The following MED12L variants were observed in gnomAD, a reference collection of about 807,000 sequenced individuals.
The protein encoded by MED12L is mediator of RNA polymerase II transcription subunit 12-like protein.
MED12L carries 60 observed loss-of-function variants against 281.3 expected under a neutral mutation model. That is an observed-to-expected ratio of 0.21 (90% CI 0.17 to 0.26). MED12L has a LOEUF of 0.26. MED12L is among the 10% of genes least tolerant of loss of function. The probability of loss-of-function intolerance (pLI) is 1.00; values close to 1 mark genes in which losing one functional copy is unlikely to be tolerated. For synonymous variants in MED12L, 974 were observed against 987.2 expected (o/e 0.99, Z 0.25); for missense variants, 2,146 against 2,680.9 (o/e 0.80, Z 4.41).
intron 43 of MED12L, among the ~76,000 whole-genome samples, chr3:151,421,255 G>A (rs532757211): frequency 3.9e-5 from 6 of 152,292 alleles, no homozygotes; most frequent in African/African-American, 1.4e-4. Flanking sequence ...TTCCTCTGCT[G>A]AGGTCACCCA....
chr3:151,124,223 T>C (rs1191121783), intron 4 of MED12L, among the ~76,000 whole-genome samples: 1 of 152,240 alleles, frequency 6.6e-6, no homozygotes, highest in Non-Finnish European at 1.5e-5. Flanking sequence ...TTGCTACTCT[T>C]GAGGAGTTGA....
intron 5 of MED12L, among the ~76,000 whole-genome samples, chr3:151,136,951 C>T (rs1012425670): frequency 6.6e-6 from 1 of 151,902 alleles, no homozygotes; most frequent in Non-Finnish European, 1.5e-5. Flanking sequence ...ATCACGAGGT[C>T]AGGAGATCAA....
At chr3:151,256,640 C>A (rs1333256112) in intron 16 of MED12L, among the ~76,000 whole-genome samples, 1 of 152,122 alleles carries the variant, frequency 6.6e-6, no homozygotes, top group Non-Finnish European at 1.5e-5. Context: ...ACAGGAAAGA[C>A]AAAAGCTTAT....
chr3:151,145,726 TAAC>T (rs1406783195), intron 5 of MED12L, among the ~76,000 whole-genome samples: 1 of 152,210 alleles, frequency 6.6e-6, no homozygotes, highest in Admixed American at 6.5e-5. Context: ...GTTAAGGAAA[TAAC>T]AAACTGAACC....
intron 16 of MED12L, chr3:151,294,011 T>C: frequency 1.6e-6 from 1 of 620,038 alleles, no homozygotes; most frequent in East Asian, 2.7e-5. Flanking sequence ...TTTATCTCTT[T>C]GCTATGCTTT....
At chr3:151,247,959 CTTCTTTTTTTT>C (rs1736026422) in intron 16 of MED12L, among the ~76,000 whole-genome samples, 1 of 65,454 alleles carries the variant, frequency 1.5e-5, no homozygotes, top group Non-Finnish European at 2.8e-5. Flanking sequence ...TCTTCTTCTT[CTTCTTTTTTTT>C]TTTTTTTTTT....
chr3:151,208,279 A>G (rs1267161702), intron 16 of MED12L, among the ~76,000 whole-genome samples: 4 of 152,260 alleles, frequency 2.6e-5, no homozygotes, highest in African/African-American at 4.8e-5. Context: ...CATGCAGTCA[A>G]TATGATATCA....
chr3:151,198,269 A>G, intron 16 of MED12L: 1 of 552,316 alleles, frequency 1.8e-6, no homozygotes, highest in Non-Finnish European at 3.0e-6. Flanking sequence ...ACTTGCATTT[A>G]GAAACAGGAT....
At chr3:151,159,201 T>C (rs770440898) in intron 7 of MED12L, among the ~76,000 whole-genome samples, 5 of 152,238 alleles carry the variant, frequency 3.3e-5, no homozygotes, top group Non-Finnish European at 5.9e-5. Context: ...GATAGGAAAC[T>C]TTTTATTTTG....
intron 11 of MED12L, among the ~76,000 whole-genome samples, chr3:151,170,586 A>T (rs12106682): frequency 0.04 from 6,012 of 152,120 alleles, 383 homozygotes; most frequent in African/African-American, 0.14. Flanking sequence ...GAATGTGCTA[A>T]TTCTTTACTC....
rs3975356 is a variant in MED12L at position 151,435,251 on chromosome 3, T to TATCA, written c.*2456_*2459dup. 2.3e-4 allele frequency: 35 copies of TATCA among 151,532 alleles called. No homozygotes were observed. The highest frequency in any genetic ancestry group is 6.3e-4 in the African/African-American group (26 of 41,320). 9.4% of individuals were successfully genotyped at this position (151,532 alleles called of 1,614,324 possible). The stretch of plus-strand genomic sequence containing the variant: ...GAAATCAAATGGAGTCAGCTATACC[T>TATCA]ATCAATCAATCACAGTTCTTGGATA... On this transcript the variant is annotated 3_prime_UTR_variant, in exon 45 of 45. Transcript: ENST00000687756.
At chr3:151,292,936 TGGG>T (rs1744463088) in intron 16 of MED12L, among the ~76,000 whole-genome samples, 1 of 152,154 alleles carries the variant, frequency 6.6e-6, no homozygotes, top group African/African-American at 2.4e-5. Context: ...GACACACAAT[TGGG>T]GGCGGTGATA....
At chr3:151,379,388 G>A (rs1237869344) in intron 31 of MED12L, among the ~76,000 whole-genome samples, 2 of 152,170 alleles carry the variant, frequency 1.3e-5, no homozygotes, top group African/African-American at 2.4e-5. Flanking sequence ...TTTCCAACAT[G>A]GCGCTTTGTT....
intron 16 of MED12L, among the ~76,000 whole-genome samples, chr3:151,323,185 A>G (rs1471137029): frequency 6.6e-6 from 1 of 152,068 alleles, no homozygotes; most frequent in African/African-American, 2.4e-5. Context: ...CTGAACTTAA[A>G]ACCTCTCTCC....
chr3:151,177,263 C>T (rs926620002), intron 11 of MED12L, among the ~76,000 whole-genome samples: 1 of 152,198 alleles, frequency 6.6e-6, no homozygotes, highest in Non-Finnish European at 1.5e-5. Flanking sequence ...AGGAGACTTA[C>T]ATGTAACGGT....
At chr3:151,185,829 G>A (rs773106297) in intron 12 of MED12L, among the ~76,000 whole-genome samples, 1 of 152,114 alleles carries the variant, frequency 6.6e-6, no homozygotes, top group Non-Finnish European at 1.5e-5. Context: ...TTGATAGAGT[G>A]AGACTCTGTC....
intron 16 of MED12L, among the ~76,000 whole-genome samples, chr3:151,325,528 A>G (rs927228270): frequency 2.0e-5 from 3 of 151,920 alleles, no homozygotes; most frequent in African/African-American, 7.3e-5. Flanking sequence ...GAAGTTCTTC[A>G]TTTTGTGAAA....
At chr3:151,286,792 A>G (rs1743569000) in intron 16 of MED12L, among the ~76,000 whole-genome samples, 1 of 152,238 alleles carries the variant, frequency 6.6e-6, no homozygotes. Context: ...TTTCACTCTC[A>G]AAAGTGTCCT....
Position 151,365,198 on chromosome 3 carries a change from T to C in MED12L, c.3177T>C (p.Asp1059=), listed in dbSNP as rs1367136238. 6.2e-7 allele frequency: 1 copy of C among 1,613,428 alleles called. No homozygotes were observed. The highest frequency in any genetic ancestry group is 1.7e-5 in the Admixed American group (1 of 60,014). The change falls in exon 22 of 45, where the codon GAT becomes GAC. Residue 1059 remains aspartate (D), a synonymous_variant. Coordinates refer to ENST00000687756, the MANE Select transcript of MED12L (RefSeq NM_001393769.1). ...TLMNVCMGHQ[D]AGRINDIANF... ...TGAATGTATGTATGGGCCATCAGGA[T>C]GCTGGCAGGTGAGATGGGTTACCCT...
Sources: allele counts gnomAD v4.1 joint callset (sites outside exome capture counted in the v4.1 genomes callset), GRCh38; gene constraint gnomAD v4.1.1; transcripts MANE v1.5; gene names NCBI Gene and HGNC (gene_info 2026-07-23, HGNC 2026-07-21).